The following TMEM63B variants were observed in gnomAD, a reference collection of about 807,000 sequenced individuals.
TMEM63B encodes the protein transmembrane protein 63B, also known as mechanosensitive cation channel TMEM63B.
A neutral mutation model predicts 102.6 loss-of-function variants in TMEM63B; 23 were observed. The observed-to-expected ratio is 0.22, with a 90% CI of 0.16 to 0.32. The LOEUF is 0.32. TMEM63B is among the 10% of genes least tolerant of loss of function. The pLI is 1.00. For synonymous variants in TMEM63B, 444 were observed against 437.0 expected, an observed-to-expected ratio of 1.02 and a Z score of -0.20; for missense variants, 628 against 1,095.9, an observed-to-expected ratio of 0.57 and a Z score of 6.03.
Position 44,148,808 on chromosome 6 carries a change from C to T in TMEM63B, c.1276C>T (p.Arg426Ter), listed in dbSNP as rs1765957252. The T allele has an allele frequency of 1.9e-6, 3 of 1,614,150 alleles. No homozygotes were observed. Among genetic ancestry groups the T allele is most frequent in the Non-Finnish European group, 8.5e-7 (1 of 1,180,028 alleles). The change falls in exon 15 of 24, where the codon CGA becomes TGA. Residue 426 changes from arginine to a stop codon, truncating the protein, a stop_gained. Coordinates refer to ENST00000323267, the MANE Select transcript of TMEM63B (RefSeq NM_018426.3). LOFTEE classifies it high-confidence loss of function. This position sits in a 1 kb window ranked among gnomAD's most constrained non-coding sequence, Gnocchi z 5.1. The stretch of plus-strand genomic sequence containing the variant: ...CCTTGCCAGGGAGCACCTCTCCATC[C>T]GAGGCTTCATCTGGTGGCTGCGCTG... ...QNIYWEHLSI[R>*]GFIWWLRCLV...
chr6:44,139,355 C>A, intron 6 of TMEM63B, 112 bp from the exon 7 acceptor site: 3 of 1,338,066 alleles, frequency 2.2e-6, no homozygotes, highest in South Asian at 1.3e-5. Context: ...ACTGCCAGAT[C>A]AGCTGGAGCT....
intron 6 of TMEM63B, 142 bp downstream of exon 6, chr6:44,138,659 A>C: frequency 5.4e-6 from 5 of 922,146 alleles, no homozygotes; most frequent in Non-Finnish European, 8.4e-6. Context: ...CTCAAAGGCC[A>C]AGCCTCGGGT....
chr6:44,147,503 A>G lies in TMEM63B; in HGVS notation c.987+3A>G, dbSNP rs749823608. The G allele has an allele frequency of 1.9e-6, 3 of 1,614,056 alleles. No homozygotes were observed. Among genetic ancestry groups the G allele is most frequent in the South Asian group, 2.2e-5 (2 of 91,084 alleles). Reference sequence around the variant, plus strand: ...GTGTGGTGCGAGGCTGTGAGCAGGTATGACGCGGGCTGGCTGTTGAGTCGG... The same window carrying G: ...GTGTGGTGCGAGGCTGTGAGCAGGTGTGACGCGGGCTGGCTGTTGAGTCGG... On this transcript the variant is annotated splice_donor_region_variant and intron_variant, in intron 12 of 23. Transcript: ENST00000323267.
chr6:44,126,700 G>C (rs146661802), upstream of TMEM63B, among the ~76,000 whole-genome samples: 4 of 152,352 alleles, frequency 2.6e-5, no homozygotes, highest in South Asian at 8.3e-4. Flanking sequence ...CCAGGAACCA[G>C]AAATTAAATG....
chr6:44,129,444 G>A (rs1291140211), intron 1 of TMEM63B, among the ~76,000 whole-genome samples: 1 of 152,002 alleles, frequency 6.6e-6, no homozygotes, highest in Non-Finnish European at 1.5e-5. Context: ...TTTATCATGG[G>A]AATCAAACAA....
intron 7 of TMEM63B, 33 bp downstream of exon 7, chr6:44,139,642 G>A (rs1335056910): frequency 6.2e-7 from 1 of 1,614,168 alleles, no homozygotes; most frequent in Non-Finnish European, 8.5e-7. Flanking sequence ...AGGGTGGAGA[G>A]AGGATGGGGC....
intron 5 of TMEM63B, among the ~76,000 whole-genome samples, chr6:44,137,289 TCATTAATTCCATG>T (rs1235871896): frequency 6.6e-6 from 1 of 152,190 alleles, no homozygotes; most frequent in African/African-American, 2.4e-5. Context: ...TGGCTCTCCA[TCATTAATTCCATG>T]AGGGTAAGGA....
chr6:44,139,204 C>T (rs10456527), intron 6 of TMEM63B, among the ~76,000 whole-genome samples: 59,783 of 151,670 alleles, frequency 0.39, 11,876 homozygotes, highest in Admixed American at 0.45. Context: ...TTTTACCTAT[C>T]TTTTCCTTCT....
rs1367828685 is a variant in TMEM63B, at chr6:44,154,063, C to G, written c.2111-10C>G. On this transcript the variant is annotated splice_polypyrimidine_tract_variant and intron_variant, in intron 21 of 23. Coordinates refer to ENST00000323267, the MANE Select transcript of TMEM63B (RefSeq NM_018426.3). ...AGATAGCAACCCCATTCTTTGCCCC[C>G]CAACACCAGGGTTCCTAGCTCCCAC... 1 of 1,613,464 alleles carries G rather than the reference C, an allele frequency of 6.2e-7. No homozygotes were observed. The highest frequency in any genetic ancestry group is 2.2e-5 in the East Asian group (1 of 44,894).
At chr6:44,134,098 G>T (rs1007561999) in intron 1 of TMEM63B, among the ~76,000 whole-genome samples, 1 of 152,124 alleles carries the variant, frequency 6.6e-6, no homozygotes, top group Non-Finnish European at 1.5e-5. Context: ...ATCAGGATGA[G>T]GCAGCTGGCT....
chr6:44,129,277 A>C (rs1485840808), intron 1 of TMEM63B, among the ~76,000 whole-genome samples: 2 of 150,726 alleles, frequency 1.3e-5, no homozygotes, highest in Non-Finnish European at 3.0e-5. Flanking sequence ...CTGAGGCAGG[A>C]GAATGGCTTA....
At position 44,148,460 on chromosome 6, in the gene TMEM63B, C is replaced by A; in HGVS notation, c.1122-53C>A. ...TGACCCCTGTGCTCATGGCCTTCTG[C>A]CAGCAGTGTGGCCTCCAGGTGGGCC... On this transcript the variant is annotated intron_variant, in intron 13 of 23. Transcript: ENST00000323267. This position sits in a 1 kb window ranked among gnomAD's most constrained non-coding sequence, Gnocchi z 5.1. The A allele has an allele frequency of 6.2e-7, 1 of 1,612,504 alleles. No homozygotes were observed. The highest frequency in any genetic ancestry group is 1.1e-5 in the South Asian group (1 of 90,968).
chr6:44,147,860 A>G (rs1269472368), intron 12 of TMEM63B, among the ~76,000 whole-genome samples: 1 of 152,244 alleles, frequency 6.6e-6, no homozygotes, highest in Non-Finnish European at 1.5e-5. Context: ...GCGGTGGCAT[A>G]TGCCTGTAAT....
intron 5 of TMEM63B, among the ~76,000 whole-genome samples, chr6:44,138,050 T>C (rs914161276): frequency 6.6e-6 from 1 of 152,138 alleles, no homozygotes; most frequent in African/African-American, 2.4e-5. Flanking sequence ...CTTTTGTCCT[T>C]CTGGGGTAGA....
chr6:44,138,235 C>T (rs1005555310), intron 5 of TMEM63B: 19 of 350,422 alleles, frequency 5.4e-5, no homozygotes, highest in African/African-American at 2.7e-4. Flanking sequence ...ATCTGTAGAT[C>T]TGGACATGGG....
At position 44,140,365 on chromosome 6, in the gene TMEM63B, G is replaced by A. The variant is rs1182509191; in HGVS notation, c.711+5G>A. On this transcript the variant is annotated splice_donor_5th_base_variant and intron_variant, in intron 9 of 23. Transcript: ENST00000323267. ...CGCTACAAGGAGGATGATCTGGTGCGTGGAGCAGAGCCCAGGTCCTGCCCC... is the reference window on the plus strand; with the variant it reads ...CGCTACAAGGAGGATGATCTGGTGCATGGAGCAGAGCCCAGGTCCTGCCCC... 2 of 1,606,522 alleles carry A rather than the reference G, an allele frequency of 1.2e-6. No homozygotes were observed. The highest frequency in any genetic ancestry group is 2.7e-5 in the African/African-American group (2 of 74,704).
At position 44,135,385 on chromosome 6, in the gene TMEM63B, C is replaced by G; in HGVS notation, c.278+19C>G. Reference sequence around the variant, plus strand: ...AGGAATAGTATGTGGGGCACCAGCCCCCTCATTCCCACTAAACCAGCTTTC... The same window carrying G: ...AGGAATAGTATGTGGGGCACCAGCCGCCTCATTCCCACTAAACCAGCTTTC... On this transcript the variant is annotated intron_variant, in intron 4 of 23. Coordinates refer to ENST00000323267, the MANE Select transcript of TMEM63B (RefSeq NM_018426.3). 1 of 1,605,646 alleles carries G rather than the reference C, an allele frequency of 6.2e-7. No homozygotes were observed. Among genetic ancestry groups the G allele is most frequent in the Non-Finnish European group, 8.5e-7 (1 of 1,174,698 alleles).
In TMEM63B at chr6:44,148,739, G is replaced by A. The variant is rs1765938275; in HGVS notation, c.1260-53G>A. 6.2e-7 allele frequency: 1 copy of A among 1,611,206 alleles called. No individual in the cohort carries two copies. Among genetic ancestry groups the A allele is most frequent in the African/African-American group, 1.3e-5 (1 of 74,850 alleles). On this transcript the variant is annotated intron_variant, in intron 14 of 23. Coordinates refer to ENST00000323267, the MANE Select transcript of TMEM63B (RefSeq NM_018426.3). This position sits in a 1 kb window ranked among gnomAD's most constrained non-coding sequence, Gnocchi z 5.1. The stretch of plus-strand genomic sequence containing the variant: ...GGAGAGGGAGTGTCTTGGTGTCACT[G>A]GGGGCCAATCCTGCCCTTGGTTCCT...
chr6:44,143,010 A>G (rs1764609747), intron 10 of TMEM63B, among the ~76,000 whole-genome samples: 1 of 152,218 alleles, frequency 6.6e-6, no homozygotes, highest in African/African-American at 2.4e-5. Context: ...CCCTGTCTCA[A>G]AAAAGAAAGA....
Sources: gnomAD v4.1 joint callset for allele counts (sites outside exome capture counted in the v4.1 genomes callset) on GRCh38, gnomAD v4.1.1 for gene constraint, Gnocchi (gnomAD v3.1) non-coding constraint, MANE v1.5 for transcripts, NCBI Gene and HGNC (gene_info 2026-07-23, HGNC 2026-07-21) for gene names.